Variants in IMMP2L observed in about 807,000 individuals in gnomAD.
IMMP2L encodes inner mitochondrial membrane peptidase subunit 2.
Under a neutral mutation model 19.3 loss-of-function variants are expected in IMMP2L, and 18 were observed. The observed-to-expected ratio is 0.93, with a 90% CI of 0.64 to 1.38. IMMP2L has a LOEUF of 1.38. Ranked by LOEUF, IMMP2L falls within the 40% of genes most tolerant of loss-of-function variation. The probability of loss-of-function intolerance (pLI) is 0.00; values close to 1 mark genes in which losing one functional copy is unlikely to be tolerated. For synonymous variants in IMMP2L, 76 were observed against 73.0 expected (o/e 1.04, Z -0.21); for missense variants, 233 against 218.2 (o/e 1.07, Z -0.43).
chr7:111,372,309 CACA>C (rs1164499750), intron 3 of IMMP2L, among the ~76,000 whole-genome samples: 3 of 151,772 alleles, frequency 2.0e-5, no homozygotes, highest in Non-Finnish European at 4.4e-5. Context: ...AAATACAAAA[CACA>C]ACAAAGAAAA....
intron 1 of IMMP2L, among the ~76,000 whole-genome samples, chr7:111,543,434 A>G (rs1236084492): frequency 6.6e-6 from 1 of 152,118 alleles, no homozygotes; most frequent in Non-Finnish European, 1.5e-5. Context: ...TTGAGAACAA[A>G]AATATGTATT....
At chr7:111,119,268 T>A (rs1240215556) in intron 3 of IMMP2L, among the ~76,000 whole-genome samples, 1 of 152,196 alleles carries the variant, frequency 6.6e-6, no homozygotes, top group Non-Finnish European at 1.5e-5. Context: ...GGCAATAGAT[T>A]TCTATTTTCA....
intron 3 of IMMP2L, among the ~76,000 whole-genome samples, chr7:111,339,801 C>T (rs1191160069): frequency 6.6e-6 from 1 of 151,948 alleles, no homozygotes; most frequent in Non-Finnish European, 1.5e-5. Context: ...GACTAGTTAG[C>T]CTTCTGTAAT....
intron 5 of IMMP2L, among the ~76,000 whole-genome samples, chr7:110,698,341 C>A (rs1001509915): frequency 6.6e-6 from 1 of 152,182 alleles, no homozygotes; most frequent in Non-Finnish European, 1.5e-5. Flanking sequence ...CTACTCAGAC[C>A]TTAATGTTAT....
At chr7:111,463,953 T>C (rs190263778) in intron 3 of IMMP2L, among the ~76,000 whole-genome samples, 147 of 152,306 alleles carry the variant, frequency 9.7e-4, no homozygotes, top group African/African-American at 3.3e-3. Flanking sequence ...TTTGAAATAA[T>C]TGGTAGTAAA....
chr7:110,831,951 G>A (rs534589279), intron 5 of IMMP2L, among the ~76,000 whole-genome samples: 2 of 152,242 alleles, frequency 1.3e-5, no homozygotes, highest in East Asian at 1.9e-4. Flanking sequence ...AACTGCTTCC[G>A]AACTGATTTG....
chr7:111,150,253 T>C (rs1008185593), intron 3 of IMMP2L, among the ~76,000 whole-genome samples: 1 of 152,144 alleles, frequency 6.6e-6, no homozygotes, highest in Non-Finnish European at 1.5e-5. Context: ...TGTCATCGTA[T>C]GTTCAAATCT....
intron 5 of IMMP2L, among the ~76,000 whole-genome samples, chr7:110,722,792 C>G (rs1321972261): frequency 1.3e-5 from 2 of 152,086 alleles, no homozygotes; most frequent in Non-Finnish European, 2.9e-5. Flanking sequence ...CCCACCATTC[C>G]TATAATTACC....
intron 3 of IMMP2L, among the ~76,000 whole-genome samples, chr7:111,472,304 G>C (rs1483617558): frequency 6.6e-6 from 1 of 152,022 alleles, no homozygotes; most frequent in African/African-American, 2.4e-5. Context: ...ATCTGGAAAA[G>C]TTCAGAGAAA....
At chr7:111,237,131 G>A (rs1814422080) in intron 3 of IMMP2L, among the ~76,000 whole-genome samples, 1 of 152,050 alleles carries the variant, frequency 6.6e-6, no homozygotes, top group African/African-American at 2.4e-5. Flanking sequence ...CCTAGTTGAT[G>A]GAATAAATAT....
chr7:110,906,480 A>G (rs1812462355), intron 4 of IMMP2L, among the ~76,000 whole-genome samples: 1 of 152,242 alleles, frequency 6.6e-6, no homozygotes, highest in African/African-American at 2.4e-5. Flanking sequence ...CAAGATAGGC[A>G]AATGTAACCC....
intron 5 of IMMP2L, among the ~76,000 whole-genome samples, chr7:110,821,281 C>T (rs1267387315): frequency 6.6e-6 from 1 of 152,054 alleles, no homozygotes; most frequent in African/African-American, 2.4e-5. Context: ...GCTCAGAGGG[C>T]TCAGTTCTAA....
At chr7:111,209,518 C>T (rs1057156496) in intron 3 of IMMP2L, among the ~76,000 whole-genome samples, 1 of 151,382 alleles carries the variant, frequency 6.6e-6, no homozygotes, top group Non-Finnish European at 1.5e-5. Flanking sequence ...CATATCAATA[C>T]AGTATTTCTC....
intron 1 of IMMP2L, among the ~76,000 whole-genome samples, chr7:111,538,537 T>C (rs1848103802): frequency 6.6e-6 from 1 of 151,102 alleles, no homozygotes. Flanking sequence ...CAGTGGTTCA[T>C]GCCTGTAATC....
intron 3 of IMMP2L, among the ~76,000 whole-genome samples, chr7:111,223,493 T>C (rs1812744359): frequency 6.6e-6 from 1 of 152,122 alleles, no homozygotes; most frequent in Non-Finnish European, 1.5e-5. Context: ...AATAAAATAA[T>C]GTTTAATTAA....
At chr7:111,552,467 T>C (rs1207890245) in intron 1 of IMMP2L, among the ~76,000 whole-genome samples, 1 of 152,118 alleles carries the variant, frequency 6.6e-6, no homozygotes, top group Non-Finnish European at 1.5e-5. Context: ...TTTGTATTTT[T>C]AGTAGAGACA....
intron 5 of IMMP2L, among the ~76,000 whole-genome samples, chr7:110,814,481 A>T (rs1343888242): frequency 1.3e-5 from 2 of 151,078 alleles, no homozygotes; most frequent in Non-Finnish European, 3.0e-5. Context: ...TTAATTATTA[A>T]TAATAGGCTA....
In IMMP2L at chr7:111,017,821, A is replaced by G. The variant is rs138602153; in HGVS notation, c.240-54256T>C. ...TGACCGTGGTAGGAGCCATCAGAAG[A>G]AGAGAAACTACAGAGACAATGTCAG... is the stretch of plus-strand genomic sequence containing the variant. On this transcript the variant is annotated intron_variant, in intron 3 of 5. Transcript: ENST00000405709. 1.5e-4 allele frequency among the ~76,000 whole-genome samples: 23 copies of G among 152,336 alleles called. No homozygotes were observed. In the East Asian group the frequency reaches 4.0e-3, roughly 27 times the overall value.
Position 111,157,912 on chromosome 7 carries a change from C to T in IMMP2L, c.240-194347G>A, listed in dbSNP as rs180811976. On this transcript the variant is annotated intron_variant, in intron 3 of 5. Coordinates refer to ENST00000405709, the MANE Select transcript of IMMP2L (RefSeq NM_032549.4). ...AATAATAAATATTAAAAGAGAAAAC[C>T]ATAATTAAACAGTGAACACATTTTC... Among the ~76,000 whole-genome samples, 6 of 151,514 alleles carry T rather than the reference C, an allele frequency of 4.0e-5. No individual in the cohort carries two copies. In the East Asian group the frequency reaches 1.2e-3, roughly 29 times the overall value.
Sources: gnomAD v4.1 joint callset for allele counts (sites outside exome capture counted in the v4.1 genomes callset) on GRCh38, gnomAD v4.1.1 for gene constraint, MANE v1.5 for transcripts, NCBI Gene and HGNC (gene_info 2026-07-23, HGNC 2026-07-21) for gene names.